Variants in AGFG1 observed in about 807,000 individuals in gnomAD.
The protein encoded by AGFG1 is ArfGAP with FG repeats 1.
A neutral mutation model predicts 60.6 loss-of-function variants in AGFG1; 10 were observed. The observed-to-expected ratio is 0.16, with a 90% CI of 0.10 to 0.28. AGFG1 has a LOEUF of 0.28. Among genes scored for constraint, AGFG1 ranks in the 10% least tolerant of loss-of-function variants. AGFG1 has a pLI of 1.00. For synonymous variants in AGFG1, 247 were observed against 242.9 expected (o/e 1.02, Z -0.16); for missense variants, 537 against 676.5 (o/e 0.79, Z 2.29).
intron 2 of AGFG1, among the ~76,000 whole-genome samples, chr2:227,508,805 A>T (rs1220662441): frequency 6.6e-6 from 1 of 152,212 alleles, no homozygotes; most frequent in African/African-American, 2.4e-5. Context: ...GTCAATAATT[A>T]AAGCAACCTG....
At chr2:227,532,180 C>T (rs745716512) in intron 6 of AGFG1, 2 of 1,548,856 alleles carry the variant, frequency 1.3e-6, no homozygotes, top group Non-Finnish European at 1.7e-6. Context: ...GGTGAATTTA[C>T]TTCAGCTTTT....
intron 5 of AGFG1, among the ~76,000 whole-genome samples, chr2:227,530,103 A>G (rs940478762): frequency 2.4e-4 from 36 of 152,290 alleles, no homozygotes; most frequent in Middle Eastern, 3.4e-3. Flanking sequence ...GACAACTATT[A>G]GCAAGACTCA....
chr2:227,546,497 T>A (rs1158287073), intron 10 of AGFG1, among the ~76,000 whole-genome samples: 10 of 152,320 alleles, frequency 6.6e-5, no homozygotes, highest in Admixed American at 3.9e-4. Context: ...ACACCCACTG[T>A]CCAACCAGTC....
intron 2 of AGFG1, among the ~76,000 whole-genome samples, chr2:227,494,664 T>G (rs1283116572): frequency 6.6e-6 from 1 of 152,242 alleles, no homozygotes; most frequent in African/African-American, 2.4e-5. Context: ...AGAATTAACC[T>G]GCATGCCATA....
intron 2 of AGFG1, among the ~76,000 whole-genome samples, chr2:227,515,032 C>T (rs985914551): frequency 6.6e-6 from 1 of 152,242 alleles, no homozygotes; most frequent in East Asian, 1.9e-4. Flanking sequence ...AGGTGATTCT[C>T]TCACCTCAGC....
chr2:227,529,565 T>C (rs1293659195), intron 5 of AGFG1, among the ~76,000 whole-genome samples: 1 of 152,112 alleles, frequency 6.6e-6, no homozygotes, highest in African/African-American at 2.4e-5. Context: ...TGTGTGTTGC[T>C]GGGTGGGGTC....
chr2:227,483,428 T>C (rs1690527614), intron 1 of AGFG1, among the ~76,000 whole-genome samples: 1 of 152,228 alleles, frequency 6.6e-6, no homozygotes, highest in African/African-American at 2.4e-5. Flanking sequence ...TATAGATTCA[T>C]ATAGCCACCA....
At chr2:227,517,530 A>G (rs997189088) in intron 2 of AGFG1, among the ~76,000 whole-genome samples, 1 of 152,174 alleles carries the variant, frequency 6.6e-6, no homozygotes, top group Admixed American at 6.5e-5. Context: ...TTGGCCTCCC[A>G]TAGTGCTGGG....
chr2:227,554,019 T>C (rs996471554), intron 12 of AGFG1, among the ~76,000 whole-genome samples: 7 of 152,198 alleles, frequency 4.6e-5, no homozygotes, highest in African/African-American at 1.2e-4. Context: ...AAAAATTAGT[T>C]GCAAATCAAA....
intron 10 of AGFG1, among the ~76,000 whole-genome samples, chr2:227,543,072 G>C (rs973328234): frequency 2.6e-5 from 4 of 151,718 alleles, no homozygotes; most frequent in African/African-American, 9.7e-5. Context: ...TCTTGCTAGC[G>C]GTCTGTCAAT....
intron 6 of AGFG1, chr2:227,532,101 T>G (rs756164230): frequency 2.7e-6 from 4 of 1,490,530 alleles, no homozygotes; most frequent in Non-Finnish European, 3.6e-6. Context: ...TGTTTTTTCT[T>G]TAACTTTCAT....
At position 227,519,938 on chromosome 2, in the gene AGFG1, C is replaced by G. The variant is rs761468129; in HGVS notation, c.262-10C>G. On this transcript the variant is annotated splice_polypyrimidine_tract_variant and intron_variant, in intron 2 of 12. Coordinates refer to ENST00000310078, the MANE Select transcript of AGFG1 (RefSeq NM_004504.5). ...GAATTTAACATATATTTTTTTAATTCTTTCCAAAGGTCTGTAAACAGATTT... is the reference window on the plus strand; with the variant it reads ...GAATTTAACATATATTTTTTTAATTGTTTCCAAAGGTCTGTAAACAGATTT... The G allele has an allele frequency of 6.6e-7, 1 of 1,519,522 alleles. No individual in the cohort carries two copies. Among genetic ancestry groups the G allele is most frequent in the Admixed American group, 2.1e-5 (1 of 48,582 alleles). The allele number at this position is 1,519,522 out of a possible 1,614,324, so 94.1% of individuals were successfully genotyped here.
At chr2:227,510,537 G>A (rs1406571812) in intron 2 of AGFG1, among the ~76,000 whole-genome samples, 1 of 146,672 alleles carries the variant, frequency 6.8e-6, no homozygotes, top group Non-Finnish European at 1.5e-5. Context: ...TTGGTGGAGG[G>A]GTGAGTTGAG....
At chr2:227,503,087 G>A (rs1691208536) in intron 2 of AGFG1, among the ~76,000 whole-genome samples, 1 of 151,966 alleles carries the variant, frequency 6.6e-6, no homozygotes, top group African/African-American at 2.4e-5. Flanking sequence ...ACAAAAGTTA[G>A]CCAGGCATGG....
At chr2:227,537,953 C>T (rs1009147099) in intron 10 of AGFG1, among the ~76,000 whole-genome samples, 1 of 152,104 alleles carries the variant, frequency 6.6e-6, no homozygotes, top group East Asian at 1.9e-4. Flanking sequence ...ATTTTCTTTT[C>T]ACATAAATGT....
intron 8 of AGFG1, 127 bp downstream of exon 8, chr2:227,535,152 G>A: frequency 1.9e-6 from 2 of 1,062,314 alleles, no homozygotes; most frequent in Non-Finnish European, 2.6e-6. Flanking sequence ...GTAAATTTGA[G>A]GAATTTGAAT....
At chr2:227,524,021 A>T (rs1691903971) in intron 4 of AGFG1, 96 bp downstream of exon 4, 2 of 1,200,956 alleles carry the variant, frequency 1.7e-6, no homozygotes, top group African/African-American at 1.5e-5. Context: ...ATAATCTTGT[A>T]TGCCAGTAGC....
intron 1 of AGFG1, among the ~76,000 whole-genome samples, chr2:227,478,604 G>A (rs1055679088): frequency 6.6e-6 from 1 of 152,116 alleles, no homozygotes; most frequent in African/African-American, 2.4e-5. Flanking sequence ...AAATTGTGGG[G>A]ATTACAGGCG....
intron 2 of AGFG1, among the ~76,000 whole-genome samples, chr2:227,513,002 G>A (rs1319773454): frequency 1.3e-5 from 2 of 152,138 alleles, no homozygotes; most frequent in African/African-American, 4.8e-5. Flanking sequence ...TATAAGCAGA[G>A]TCATGCCATG....
Sources: allele counts gnomAD v4.1 joint callset (sites outside exome capture counted in the v4.1 genomes callset), GRCh38; gene constraint gnomAD v4.1.1; transcripts MANE v1.5; gene names NCBI Gene and HGNC (gene_info 2026-07-23, HGNC 2026-07-21).